The following NPAT variants were observed in gnomAD, a reference collection of about 807,000 sequenced individuals.
The protein encoded by NPAT is protein NPAT.
NPAT carries 52 observed loss-of-function variants against 130.7 expected under a neutral mutation model. The observed-to-expected ratio is 0.40, with a 90% CI of 0.32 to 0.50. NPAT has a LOEUF of 0.50. Ranked by LOEUF, NPAT falls within the 20% of genes least tolerant of loss-of-function variation. NPAT has a pLI of 0.68. For synonymous variants in NPAT, 580 were observed against 584.8 expected (o/e 0.99, Z 0.12); for missense variants, 1,687 against 1,662.6 (o/e 1.01, Z -0.26).
At chr11:108,169,175 G>T (rs1227026329) in intron 15 of NPAT, among the ~76,000 whole-genome samples, 1 of 152,146 alleles carries the variant, frequency 6.6e-6, no homozygotes, top group African/African-American at 2.4e-5. Context: ...GTGACTACCA[G>T]GTTTTTCACA....
At position 108,162,180 on chromosome 11, in the gene NPAT, C is replaced by T. The variant is rs1185480509; in HGVS notation, c.3011G>A (p.Gly1004Glu). Residue 1004 changes from glycine (G) to glutamate (E), a missense_variant and splice_region_variant, in exon 16 of 18, where the codon GGA (glycine) becomes GAA (glutamate). Transcript: ENST00000278612. The stretch of plus-strand genomic sequence containing the variant: ...ATCCACCAAATTATTTACTTGTTTT[C>T]CTGAAATTATAAATGAACATTCCTG... ...AQGLRNKPCIGKQVNNLVDSS... is the reference protein window; with the variant it reads ...AQGLRNKPCIEKQVNNLVDSS... 1 of 1,612,744 alleles carries T rather than the reference C, an allele frequency of 6.2e-7. No individual in the cohort carries two copies. Among genetic ancestry groups the T allele is most frequent in the African/African-American group, 1.3e-5 (1 of 74,866 alleles).
intron 1 of NPAT, among the ~76,000 whole-genome samples, chr11:108,209,119 C>A (rs1565327685): frequency 6.6e-6 from 1 of 151,476 alleles, no homozygotes. Context: ...TCTCTACTAA[C>A]AATATAAAAA....
At position 108,197,324 on chromosome 11, in the gene NPAT, C is replaced by T; in HGVS notation, c.134G>A (p.Gly45Glu). The change falls in exon 2 of 18, where the codon GGG (glycine) becomes GAG (glutamate). Residue 45 changes from glycine to glutamate, a missense_variant. Physicochemically the swap from Gly to Glu is moderately conservative, Grantham distance 98. This residue lies in a region of NPAT where 307 missense variants were observed against 298.9 expected (regional missense o/e 1.03). Transcript: ENST00000278612. ...KEYAEHCTDE[G>E]FIPACLLSLF... The stretch of plus-strand genomic sequence containing the variant: ...CACCAGTAAGCAGGCTGGAATAAAC[C>T]CTTCATCTGTACAATGTTCTGCATA... 6.2e-7 allele frequency: 1 copy of T among 1,607,050 alleles called. No homozygotes were observed. Among genetic ancestry groups the T allele is most frequent in the Non-Finnish European group, 8.5e-7 (1 of 1,173,704 alleles).
At chr11:108,205,386 AG>A (rs1212739267) in intron 1 of NPAT, among the ~76,000 whole-genome samples, 16 of 152,096 alleles carry the variant, frequency 1.1e-4, no homozygotes, top group Admixed American at 9.8e-4. Flanking sequence ...TCAGTCTCCC[AG>A]GTAGCTGGGA....
intron 10 of NPAT, among the ~76,000 whole-genome samples, chr11:108,181,878 G>T (rs2078061573): frequency 6.6e-6 from 1 of 152,168 alleles, no homozygotes; most frequent in Non-Finnish European, 1.5e-5. Context: ...CTTTTCCTGA[G>T]AATCTGTGGC....
At chr11:108,195,830 T>C (rs781524701) in intron 2 of NPAT, among the ~76,000 whole-genome samples, 2 of 152,208 alleles carry the variant, frequency 1.3e-5, no homozygotes, top group Admixed American at 6.5e-5. Flanking sequence ...TCTCACTATG[T>C]TGCCCAGGCT....
chr11:108,196,473 A>G (rs2078221958), intron 2 of NPAT, among the ~76,000 whole-genome samples: 1 of 150,632 alleles, frequency 6.6e-6, no homozygotes, highest in Non-Finnish European at 1.5e-5. Context: ...TTATCTATAA[A>G]AATGCTTGCA....
Position 108,161,113 on chromosome 11 carries a change from C to G in NPAT, c.3973G>C (p.Glu1325Gln). Residue 1325 changes from glutamate (E) to glutamine (Q), a missense_variant, in exon 17 of 18, where the codon GAA (glutamate) becomes CAA (glutamine). Glu to Gln is a conservative substitution (Grantham distance 29). Coordinates refer to ENST00000278612, the MANE Select transcript of NPAT (RefSeq NM_002519.3). ...TGGGCAGCCATATTTACACTGTTTT[C>G]ACTTCCTGTTTCACTGGCAGGGCTG... is the stretch of plus-strand genomic sequence containing the variant. ...ACSPASETGSENSVNMAAHTL... is the reference protein window; with the variant it reads ...ACSPASETGSQNSVNMAAHTL... 1 of 1,614,200 alleles carries G rather than the reference C, an allele frequency of 6.2e-7. No individual in the cohort carries two copies. Among genetic ancestry groups the G allele is most frequent in the South Asian group, 1.1e-5 (1 of 91,082 alleles).
In NPAT at chr11:108,181,520, A is replaced by G. The variant is rs541085410; in HGVS notation, c.906+3712T>C. On this transcript the variant is annotated intron_variant, in intron 10 of 17. Transcript: ENST00000278612. ...CTATCTATTGCACAACAATGTGAAT[A>G]TAATTAACATTACCAAACTGTACAC... Among the ~76,000 whole-genome samples the G allele has an allele frequency of 2.0e-4, 30 of 152,332 alleles. No homozygotes were observed. The East Asian group carries it at 4.6e-3, about 23-fold the overall frequency.
chr11:108,222,433 G>T, intron 1 of NPAT, 67 bp downstream of exon 1: 1 of 1,547,438 alleles, frequency 6.5e-7, no homozygotes, highest in Non-Finnish European at 8.9e-7. Context: ...GAAAACCTTT[G>T]GCCTCAAAGG....
intron 5 of NPAT, among the ~76,000 whole-genome samples, chr11:108,189,877 AAAAAAAAC>A (rs1327305623): frequency 1.3e-5 from 2 of 151,438 alleles, no homozygotes; most frequent in East Asian, 3.9e-4. Flanking sequence ...CTCAAAAAAA[AAAAAAAAC>A]AAAAAACAAG....
chr11:108,181,229 C>A (rs1442214206), intron 10 of NPAT, among the ~76,000 whole-genome samples: 2 of 152,054 alleles, frequency 1.3e-5, no homozygotes, highest in Admixed American at 6.6e-5. Context: ...TTTGGGAGGC[C>A]GAGGCGGGCA....
intron 1 of NPAT, among the ~76,000 whole-genome samples, chr11:108,220,196 G>GT (rs2078470321): frequency 6.6e-6 from 1 of 152,188 alleles, no homozygotes; most frequent in African/African-American, 2.4e-5. Context: ...ACAACATTTT[G>GT]TAAAATCCCA....
rs2078247130 is a variant in NPAT, at chr11:108,198,689, C to G, written c.38-1269G>C. Among the ~76,000 whole-genome samples the G allele has an allele frequency of 2.6e-5, 4 of 152,146 alleles. No homozygotes were observed. In the South Asian group the frequency reaches 8.3e-4, roughly 31 times the overall value. On this transcript the variant is annotated intron_variant, in intron 1 of 17. Transcript: ENST00000278612. The stretch of plus-strand genomic sequence containing the variant: ...ACCCATGGACCAATCAGCCTGCACT[C>G]TGAGCCCATAAAAACCTCCATTCTG...
chr11:108,170,126 T>C (rs1034148812), intron 13 of NPAT, 83 bp from the exon 14 acceptor site: 1 of 848,258 alleles, frequency 1.2e-6, no homozygotes, highest in Admixed American at 1.9e-5. Flanking sequence ...ACAAATTAAT[T>C]ACTGCTTTGA....
intron 1 of NPAT, among the ~76,000 whole-genome samples, chr11:108,220,722 G>A (rs180828680): frequency 6.6e-6 from 1 of 152,328 alleles, no homozygotes; most frequent in East Asian, 1.9e-4. Flanking sequence ...TAGGCATGGG[G>A]AGGCTTTTTT....
Position 108,186,566 on chromosome 11 carries a change from T to C in NPAT, c.642A>G (p.Glu214=). The C allele has an allele frequency of 6.2e-7, 1 of 1,612,970 alleles. No individual in the cohort carries two copies. Among genetic ancestry groups the C allele is most frequent in the African/African-American group, 1.3e-5 (1 of 75,008 alleles). ...SLMSPGRRKS[E]SQRKSTTLSG... ...ACAAAGTGGTACTTTTTCTCTGAGA[T>C]TCACTGAAACACATTTTAAAAGCTT... The change falls in exon 8 of 18, where the codon GAA becomes GAG. Residue 214 remains glutamate (E), a synonymous_variant. Transcript: ENST00000278612.
Position 108,184,041 on chromosome 11 carries a change from C to T in NPAT, c.906+1191G>A, listed in dbSNP as rs1029275741. 2.6e-5 allele frequency among the ~76,000 whole-genome samples: 4 copies of T among 152,054 alleles called. No homozygotes were observed. The South Asian group carries it at 6.2e-4, about 24-fold the overall frequency. On this transcript the variant is annotated intron_variant, in intron 10 of 17. Transcript: ENST00000278612. ...TCTTAAAACATAGACTGTTATATTCCTCCCTTACTAGCTCACTCTCTTTTG... is the reference window on the plus strand; with the variant it reads ...TCTTAAAACATAGACTGTTATATTCTTCCCTTACTAGCTCACTCTCTTTTG...
At chr11:108,215,130 G>C (rs549156551) in intron 1 of NPAT, among the ~76,000 whole-genome samples, 2 of 152,164 alleles carry the variant, frequency 1.3e-5, no homozygotes, top group South Asian at 4.1e-4. Context: ...TCTTAACCTA[G>C]CTATCTTCAA....
Sources: gnomAD v4.1 joint callset for allele counts (sites outside exome capture counted in the v4.1 genomes callset) on GRCh38, gnomAD v4.1.1 for gene constraint, gnomAD v4.1.1 regional missense constraint, MANE v1.5 for transcripts, NCBI Gene and HGNC (gene_info 2026-07-23, HGNC 2026-07-21) for gene names.